Variants in URM1 observed in about 807,000 individuals in gnomAD.
URM1 encodes the protein ubiquitin related modifier 1.
A neutral mutation model predicts 17.7 loss-of-function variants in URM1; 11 were observed. The ratio of observed to expected loss-of-function variants is 0.62; its 90% CI spans 0.39 to 1.03. The LOEUF is 1.03. URM1 is among the 50% of genes least tolerant of loss of function. The pLI is 0.00. For synonymous variants in URM1, 48 were observed against 50.6 expected, an observed-to-expected ratio of 0.95 and a Z score of 0.22; for missense variants, 128 against 129.2, an observed-to-expected ratio of 0.99 and a Z score of 0.04.
chr9:128,387,355 G>A lies in URM1; in HGVS notation c.107-461G>A, dbSNP rs902420663. On this transcript the variant is annotated intron_variant, in intron 2 of 4. Coordinates refer to ENST00000372853, the MANE Select transcript of URM1 (RefSeq NM_030914.4). The surrounding 1 kb of genome is among the most constrained non-coding windows in gnomAD (Gnocchi z 4.3). ...CCCCTCACAAAGGGAAATATATGCA[G>A]ACCCCTCCAAGAGCAAAGCCGAATC... Among the ~76,000 whole-genome samples, 1 of 152,190 alleles carries A rather than the reference G, an allele frequency of 6.6e-6. No homozygotes were observed. The highest frequency in any genetic ancestry group is 1.5e-5 in the Non-Finnish European group (1 of 68,032).
chr9:128,385,764 A>C lies in URM1; in HGVS notation c.107-2052A>C, dbSNP rs114440455. On this transcript the variant is annotated intron_variant, in intron 2 of 4. Coordinates refer to ENST00000372853, the MANE Select transcript of URM1 (RefSeq NM_030914.4). ...GCCCTTGCATCCTGCGAAGGGAGCC[A>C]TGAGTTCCCCCTCTCCCCACCCCCA... Among the ~76,000 whole-genome samples the C allele has an allele frequency of 3.9e-3, 591 of 152,086 alleles. 4 individuals are homozygous for C. Among genetic ancestry groups the C allele is most frequent in the African/African-American group, 0.014 (570 of 41,478 alleles).
intron 2 of URM1, among the ~76,000 whole-genome samples, chr9:128,386,900 G>T (rs1188819923): frequency 2.0e-5 from 3 of 152,212 alleles, no homozygotes; most frequent in Non-Finnish European, 4.4e-5. Flanking sequence ...TTATCCTCAA[G>T]TCGTCTAAGA....
intron 4 of URM1, 155 bp downstream of exon 4, chr9:128,389,464 G>C (rs1833275715): frequency 6.4e-7 from 1 of 1,568,228 alleles, no homozygotes; most frequent in African/African-American, 1.4e-5. Flanking sequence ...CCCACTCCAG[G>C]TGAGGAAGGG....
Position 128,389,268 on chromosome 9 carries a change from G to C in URM1, c.196G>C (p.Gly66Arg). Residue 66 changes from glycine to arginine, a missense_variant, in exon 4 of 5, where the codon GGA (glycine) becomes CGA (arginine). Gly to Arg is a moderately radical substitution (Grantham distance 125). Coordinates refer to ENST00000372853, the MANE Select transcript of URM1 (RefSeq NM_030914.4). ...CCACCATCTTTCCCACAGGCGGCCA[G>C]GAATTCTGGTGCTGATTAACGATGC... Reference protein sequence around the residue: ...LFIQGDSVRPGILVLINDADW... With the variant: ...LFIQGDSVRPRILVLINDADW... 1 of 1,600,158 alleles carries C rather than the reference G, an allele frequency of 6.2e-7. No individual in the cohort carries two copies. Among genetic ancestry groups the C allele is most frequent in the Non-Finnish European group, 8.5e-7 (1 of 1,170,512 alleles).
intron 2 of URM1, among the ~76,000 whole-genome samples, chr9:128,379,592 G>A (rs1019015050): frequency 6.6e-6 from 1 of 152,138 alleles, no homozygotes; most frequent in Non-Finnish European, 1.5e-5. Flanking sequence ...GAGGTCAGGA[G>A]TTCAACACTA....
At chr9:128,385,974 C>G (rs1833221756) in intron 2 of URM1, among the ~76,000 whole-genome samples, 1 of 152,204 alleles carries the variant, frequency 6.6e-6, no homozygotes, top group South Asian at 2.1e-4. Flanking sequence ...CAGCTTGTCC[C>G]TCTGGGACTC....
In URM1 at chr9:128,391,723, T is replaced by C. The variant is rs1732548554; in HGVS notation, c.*1989T>C. 1 of 152,146 alleles carries C rather than the reference T, an allele frequency of 6.6e-6. No homozygotes were observed. Among genetic ancestry groups the C allele is most frequent in the African/African-American group, 2.4e-5 (1 of 41,420 alleles). 9.4% of individuals were successfully genotyped at this position (152,146 alleles called of 1,614,324 possible). On this transcript the variant is annotated 3_prime_UTR_variant, in exon 5 of 5. Coordinates refer to ENST00000372853, the MANE Select transcript of URM1 (RefSeq NM_030914.4). Reference sequence around the variant, plus strand: ...TGGCTGCAGAGAGTGGGAGGTGTGATGTGGAATATCCCTTCTCCCAGCACA... The same window carrying C: ...TGGCTGCAGAGAGTGGGAGGTGTGACGTGGAATATCCCTTCTCCCAGCACA...
At position 128,389,654 on chromosome 9, in the gene URM1, C is replaced by T. The variant is rs750370980; in HGVS notation, c.238-12C>T. 2 of 1,613,384 alleles carry T rather than the reference C, an allele frequency of 1.2e-6. No individual in the cohort carries two copies. Among genetic ancestry groups the T allele is most frequent in the Non-Finnish European group, 1.7e-6 (2 of 1,179,984 alleles). On this transcript the variant is annotated splice_polypyrimidine_tract_variant and intron_variant, in intron 4 of 4. Coordinates refer to ENST00000372853, the MANE Select transcript of URM1 (RefSeq NM_030914.4). ...CCCTGAGGGTCTCCCGCTCCCCTCT[C>T]TCCCGCACCAGGGTGAGCTGGACTA...
At chr9:128,381,843 C>T (rs570155862) in intron 2 of URM1, among the ~76,000 whole-genome samples, 2 of 152,260 alleles carry the variant, frequency 1.3e-5, no homozygotes, top group Admixed American at 6.5e-5. Context: ...GCCACTAACC[C>T]ATCACCGTCT....
intron 2 of URM1, among the ~76,000 whole-genome samples, chr9:128,381,642 G>C (rs796567930): frequency 6.6e-6 from 1 of 152,224 alleles, no homozygotes; most frequent in Non-Finnish European, 1.5e-5. Context: ...AGCCGAGATC[G>C]TGCCACTGCA....
intron 1 of URM1, among the ~76,000 whole-genome samples, chr9:128,371,654 C>G (rs1833014226): frequency 6.6e-6 from 1 of 152,190 alleles, no homozygotes; most frequent in African/African-American, 2.4e-5. Context: ...ACTCGGTGCC[C>G]TGTGCTCCGC....
At chr9:128,388,179 T>G in intron 3 of URM1, 1 of 1,256,280 alleles carries the variant, frequency 8.0e-7, no homozygotes, top group Non-Finnish European at 1.0e-6. Context: ...GCGACTTACT[T>G]CGCTTCTCTG....
Position 128,390,366 on chromosome 9 carries a change from C to CCGCT in URM1, c.*634_*637dup, listed in dbSNP as rs1833294230. 6.5e-6 allele frequency: 1 copy of CCGCT among 152,686 alleles called. No individual in the cohort carries two copies. Among genetic ancestry groups the CCGCT allele is most frequent in the African/African-American group, 2.4e-5 (1 of 41,376 alleles). The allele number at this position is 152,686 out of a possible 1,614,324, so 9.5% of individuals were successfully genotyped here. A position where few individuals can be genotyped will look rare whatever the true frequency, so the allele number is the denominator to read the frequency against. On this transcript the variant is annotated 3_prime_UTR_variant, in exon 5 of 5. Coordinates refer to ENST00000372853, the MANE Select transcript of URM1 (RefSeq NM_030914.4). ...AGCCCTTGACCCTGGCTGGCCTGCC[C>CCGCT]CGCTCCACAGGCCACCAGATGGGCT...
At chr9:128,377,114 A>T (rs1028815314) in intron 1 of URM1, among the ~76,000 whole-genome samples, 1 of 152,218 alleles carries the variant, frequency 6.6e-6, no homozygotes, top group African/African-American at 2.4e-5. Flanking sequence ...TCAAGCAGTC[A>T]TCTCGCCTTG....
At chr9:128,378,240 A>G (rs1200656311) in intron 2 of URM1, 134 bp downstream of exon 2, 2 of 650,052 alleles carry the variant, frequency 3.1e-6, no homozygotes, top group Non-Finnish European at 5.2e-6. Context: ...CAGAGGAATA[A>G]AAACAAGAGT....
intron 3 of URM1, 34 bp from the exon 4 acceptor site, chr9:128,389,227 C>A: frequency 6.4e-7 from 1 of 1,569,756 alleles, no homozygotes; most frequent in Non-Finnish European, 8.7e-7. Context: ...TCCTGCCTCT[C>A]ACTCCTTGCT....
At chr9:128,383,431 C>G (rs1833185424) in intron 2 of URM1, among the ~76,000 whole-genome samples, 1 of 152,120 alleles carries the variant, frequency 6.6e-6, no homozygotes, top group Non-Finnish European at 1.5e-5. Flanking sequence ...CTGGGGTGGG[C>G]TCTCCGAAGA....
intron 2 of URM1, among the ~76,000 whole-genome samples, chr9:128,383,260 C>T (rs1348134970): frequency 6.6e-6 from 1 of 152,158 alleles, no homozygotes; most frequent in East Asian, 1.9e-4. Flanking sequence ...AGGAGGTCCC[C>T]TCGCACATCT....
chr9:128,388,181 G>T, intron 3 of URM1: 2 of 1,244,344 alleles, frequency 1.6e-6, no homozygotes, highest in Non-Finnish European at 1.0e-6. Flanking sequence ...GACTTACTTC[G>T]CTTCTCTGGG....
Sources: gnomAD v4.1 joint callset for allele counts (sites outside exome capture counted in the v4.1 genomes callset) on GRCh38, gnomAD v4.1.1 for gene constraint, Gnocchi (gnomAD v3.1) non-coding constraint, MANE v1.5 for transcripts, NCBI Gene and HGNC (gene_info 2026-07-23, HGNC 2026-07-21) for gene names.